Variants in DHX29 observed in about 807,000 individuals in gnomAD.
The protein encoded by DHX29 is DExH-box helicase 29.
In DHX29, 79 loss-of-function variants were observed where a neutral mutation model predicts 167.9. The observed-to-expected ratio is 0.47, with a 90% CI of 0.39 to 0.57. The LOEUF (loss-of-function observed/expected upper bound fraction) is 0.57, where lower values mean the gene tolerates loss of function less well. Ranked by LOEUF, DHX29 falls within the 20% of genes least tolerant of loss-of-function variation. DHX29 has a pLI of 0.00. For missense variants in DHX29, 1,347 were observed against 1,593.4 expected (o/e 0.85, Z 2.63); for synonymous variants, 530 against 546.0 (o/e 0.97, Z 0.41).
chr5:55,256,577 C>A (rs751318927), intron 26 of DHX29, 37 bp from the exon 27 acceptor site: 1 of 1,562,008 alleles, frequency 6.4e-7, no homozygotes, highest in Non-Finnish European at 8.6e-7. Context: ...CGAATAAATG[C>A]AACATTGTCT....
chr5:55,303,173 TTC>T (rs1279257605), intron 1 of DHX29, among the ~76,000 whole-genome samples: 1 of 152,126 alleles, frequency 6.6e-6, no homozygotes. Context: ...TTGCTACATA[TTC>T]TTTTTATACT....
At chr5:55,286,712 CAT>C (rs897552186) in intron 8 of DHX29, among the ~76,000 whole-genome samples, 1 of 152,222 alleles carries the variant, frequency 6.6e-6, no homozygotes, top group Non-Finnish European at 1.5e-5. Context: ...GACATAGCCA[CAT>C]GTGGTTAAAT....
At chr5:55,288,618 C>A (rs896778908) in intron 8 of DHX29, among the ~76,000 whole-genome samples, 7 of 151,962 alleles carry the variant, frequency 4.6e-5, no homozygotes, top group Non-Finnish European at 8.8e-5. Context: ...CTGATAAATA[C>A]TGTACTTGCT....
At chr5:55,301,731 A>AAAAAAAAAAAAAAAAAAG (rs1748615986) in intron 1 of DHX29, among the ~76,000 whole-genome samples, 1 of 151,462 alleles carries the variant, frequency 6.6e-6, no homozygotes, top group African/African-American at 2.4e-5. Context: ...AAAAAAAAAA[A>AAAAAAAAAAAAAAAAAAG]AAAAACAAGA....
chr5:55,269,418 G>A lies in DHX29; in HGVS notation c.3289C>T (p.Pro1097Ser), dbSNP rs953175151. Reference sequence around the variant, plus strand: ...AGCAGCATTGTTTGACTTACCACTGGGTCAAGGCAGCCAAATATGGCACCA... The same window carrying A: ...AGCAGCATTGTTTGACTTACCACTGAGTCAAGGCAGCCAAATATGGCACCA... ...IFGAIFGCLD[P>S]VATLAAVMTE... The change falls in exon 21 of 27, where the codon CCA becomes TCA. Residue 1097 changes from proline to serine, a missense_variant. Around this residue, in one of 3 missense-constraint regions of DHX29, gnomAD observed 882 missense variants for 1,082.4 expected, o/e 0.81. Coordinates refer to ENST00000251636, the MANE Select transcript of DHX29 (RefSeq NM_019030.4). The A allele has an allele frequency of 1.2e-6, 2 of 1,612,208 alleles. No homozygotes were observed. Among genetic ancestry groups the A allele is most frequent in the Non-Finnish European group, 8.5e-7 (1 of 1,179,866 alleles).
intron 1 of DHX29, among the ~76,000 whole-genome samples, chr5:55,304,579 C>T (rs1223182925): frequency 2.0e-5 from 3 of 151,988 alleles, no homozygotes; most frequent in Non-Finnish European, 2.9e-5. Flanking sequence ...GGATTACAAG[C>T]GTGAGCCACT....
intron 25 of DHX29, 28 bp downstream of exon 25, chr5:55,261,340 A>C: frequency 7.3e-7 from 1 of 1,360,602 alleles, no homozygotes; most frequent in Non-Finnish European, 1.0e-6. Context: ...AATTTTTAAT[A>C]ATCAATAAAA....
chr5:55,283,873 T>C, intron 10 of DHX29, 62 bp from the exon 11 acceptor site: 5 of 1,395,850 alleles, frequency 3.6e-6, no homozygotes, highest in Non-Finnish European at 4.8e-6. Flanking sequence ...TTCAATAGAT[T>C]AGCACTTAAA....
intron 23 of DHX29, among the ~76,000 whole-genome samples, chr5:55,266,548 ATT>A (rs563215075): frequency 7.2e-5 from 10 of 138,052 alleles, no homozygotes; most frequent in Admixed American, 2.2e-4. Context: ...ACCTCAGGTG[ATT>A]TTTTTTTTTT....
At chr5:55,268,665 G>A (rs1746699966) in intron 21 of DHX29, among the ~76,000 whole-genome samples, 1 of 152,020 alleles carries the variant, frequency 6.6e-6, no homozygotes, top group African/African-American at 2.4e-5. Flanking sequence ...TATTTAAATA[G>A]CCTTTATTGG....
chr5:55,278,323 A>G (rs1747227214), intron 12 of DHX29, among the ~76,000 whole-genome samples: 1 of 152,232 alleles, frequency 6.6e-6, no homozygotes, highest in Non-Finnish European at 1.5e-5. Flanking sequence ...GGGAGGCAGT[A>G]GGGGTTAAGT....
At chr5:55,296,628 A>G (rs1162506738) in intron 3 of DHX29, among the ~76,000 whole-genome samples, 24 of 152,180 alleles carry the variant, frequency 1.6e-4, no homozygotes. Context: ...ATTTTGTAAA[A>G]AGAGATTTCA....
At chr5:55,288,425 A>G (rs767553975) in intron 8 of DHX29, among the ~76,000 whole-genome samples, 233 of 151,156 alleles carry the variant, frequency 1.5e-3, no homozygotes, top group Non-Finnish European at 2.8e-3. Context: ...ACTATAGTAC[A>G]TAATACTATA....
chr5:55,267,066 G>T, intron 23 of DHX29, 72 bp downstream of exon 23: 1 of 954,200 alleles, frequency 1.0e-6, no homozygotes, highest in Non-Finnish European at 1.6e-6. Flanking sequence ...ATTTTCCTAG[G>T]CATTCTTTTT....
chr5:55,294,312 T>C (rs565005492), intron 5 of DHX29, among the ~76,000 whole-genome samples, 167 bp from the exon 6 acceptor site: 1 of 152,284 alleles, frequency 6.6e-6, no homozygotes, highest in African/African-American at 2.4e-5. Flanking sequence ...CATTAAGAAA[T>C]TTACAATTGC....
At chr5:55,268,666 C>T (rs1746700109) in intron 21 of DHX29, among the ~76,000 whole-genome samples, 1 of 152,022 alleles carries the variant, frequency 6.6e-6, no homozygotes, top group Admixed American at 6.6e-5. Context: ...ATTTAAATAG[C>T]CTTTATTGGT....
chr5:55,290,888 G>A (rs1207891290), intron 6 of DHX29, among the ~76,000 whole-genome samples: 1 of 152,046 alleles, frequency 6.6e-6, no homozygotes, highest in African/African-American at 2.4e-5. Context: ...GGGGGTGGAT[G>A]CCTATAATCC....
intron 12 of DHX29, chr5:55,279,564 G>A (rs897616939): frequency 6.6e-6 from 1 of 152,336 alleles, no homozygotes; most frequent in Non-Finnish European, 1.5e-5. Context: ...CTGGAGTGCA[G>A]TGGCGCTACC....
At chr5:55,269,169 C>G (rs572382725) in intron 21 of DHX29, among the ~76,000 whole-genome samples, 2 of 149,964 alleles carry the variant, frequency 1.3e-5, no homozygotes, top group South Asian at 2.1e-4. Flanking sequence ...ACTTGAACCC[C>G]GGAGGCAGAG....
Sources: gnomAD v4.1 joint callset for allele counts (sites outside exome capture counted in the v4.1 genomes callset) on GRCh38, gnomAD v4.1.1 for gene constraint, gnomAD v4.1.1 regional missense constraint, MANE v1.5 for transcripts, NCBI Gene and HGNC (gene_info 2026-07-23, HGNC 2026-07-21) for gene names.